LRRFIP1: variants seen among roughly 807,000 people sequenced by gnomAD.
The protein encoded by LRRFIP1 is LRR binding FLII interacting protein 1, also known as leucine-rich repeat flightless-interacting protein 1.
In LRRFIP1, 62 loss-of-function variants were observed where a neutral mutation model predicts 104.4. The observed-to-expected ratio is 0.59, with a 90% CI of 0.48 to 0.73. The LOEUF (loss-of-function observed/expected upper bound fraction) is 0.73. Ranked by LOEUF, LRRFIP1 falls within the 30% of genes least tolerant of loss-of-function variation. LRRFIP1 has a pLI of 0.00. For missense variants in LRRFIP1, 796 were observed against 824.5 expected, an observed-to-expected ratio of 0.97 and a Z score of 0.42; for synonymous variants, 300 against 299.0, an observed-to-expected ratio of 1.00 and a Z score of -0.03.
intron 1 of LRRFIP1, among the ~76,000 whole-genome samples, chr2:237,681,675 A>ATTTTTTTTTTTTTTT (rs1359912875): frequency 2.9e-4 from 16 of 54,606 alleles, no homozygotes; most frequent in East Asian, 7.4e-4. Flanking sequence ...CCGCAGTCCT[A>ATTTTTTTTTTTTTTT]TTCTTTTTTT....
At chr2:237,755,054 C>A (rs1040645368) in intron 15 of LRRFIP1, among the ~76,000 whole-genome samples, 3 of 152,224 alleles carry the variant, frequency 2.0e-5, no homozygotes, top group African/African-American at 7.2e-5. Context: ...CAGGCCAGAT[C>A]CCATCTCAGA....
At chr2:237,697,445 A>G (rs1005766058) in intron 1 of LRRFIP1, among the ~76,000 whole-genome samples, 1 of 152,208 alleles carries the variant, frequency 6.6e-6, no homozygotes, top group Non-Finnish European at 1.5e-5. Context: ...CATACACCTG[A>G]GAGCTGCTGT....
intron 15 of LRRFIP1, 115 bp downstream of exon 15, chr2:237,753,594 G>A (rs536961978): frequency 1.1e-4 from 87 of 793,462 alleles, no homozygotes; most frequent in African/African-American, 1.1e-3. Flanking sequence ...CCAAGAGTTC[G>A]AGACCAGCCT....
intron 8 of LRRFIP1, among the ~76,000 whole-genome samples, chr2:237,728,406 G>T (rs1169747832): frequency 6.6e-6 from 1 of 152,130 alleles, no homozygotes; most frequent in Non-Finnish European, 1.5e-5. Flanking sequence ...ATAAAACAAT[G>T]CAGATGCTTG....
chr2:237,752,793 T>C (rs533652165), intron 14 of LRRFIP1, among the ~76,000 whole-genome samples: 2 of 152,356 alleles, frequency 1.3e-5, no homozygotes, highest in South Asian at 4.1e-4. Context: ...GAGTCAAAAA[T>C]CTGAACTCAC....
At chr2:237,776,755 T>C (rs756179949) in intron 23 of LRRFIP1, among the ~76,000 whole-genome samples, 5 of 152,224 alleles carry the variant, frequency 3.3e-5, no homozygotes, top group African/African-American at 4.8e-5. Flanking sequence ...GATTTTTGCA[T>C]CCCTTGGCTT....
At chr2:237,641,541 A>T (rs2083982192) in intron 1 of LRRFIP1, among the ~76,000 whole-genome samples, 1 of 150,730 alleles carries the variant, frequency 6.6e-6, no homozygotes, top group Non-Finnish European at 1.5e-5. Flanking sequence ...TTTAAGACTT[A>T]GTCAATCTTT....
intron 1 of LRRFIP1, among the ~76,000 whole-genome samples, chr2:237,666,795 TTC>T (rs1383437216): frequency 2.0e-4 from 6 of 29,628 alleles, no homozygotes; most frequent in East Asian, 2.7e-3. Context: ...TTCTTTCTCT[TTC>T]TCTTTCTTTC....
intron 8 of LRRFIP1, among the ~76,000 whole-genome samples, chr2:237,730,949 T>C (rs114478861): frequency 0.026 from 3,830 of 146,664 alleles, 71 homozygotes; most frequent in South Asian, 0.082. Flanking sequence ...AACAAACAAA[T>C]AGAACAAATG....
chr2:237,741,723 G>A (rs905853213), intron 11 of LRRFIP1, among the ~76,000 whole-genome samples: 2 of 152,094 alleles, frequency 1.3e-5, no homozygotes, highest in African/African-American at 2.4e-5. Flanking sequence ...AGCTACTTGG[G>A]AGGCTGAGGC....
At chr2:237,761,968 C>G (rs757015323) in intron 19 of LRRFIP1, among the ~76,000 whole-genome samples, 1 of 152,052 alleles carries the variant, frequency 6.6e-6, no homozygotes, top group Non-Finnish European at 1.5e-5. Flanking sequence ...CTCCCTAGTC[C>G]CTTAGGGAAT....
chr2:237,707,900 G>A (rs2093893039), intron 1 of LRRFIP1, among the ~76,000 whole-genome samples: 1 of 152,204 alleles, frequency 6.6e-6, no homozygotes, highest in Admixed American at 6.5e-5. Flanking sequence ...CATTGTGTTG[G>A]GAAAAGGTGG....
At chr2:237,678,190 C>T (rs2091385650) in intron 1 of LRRFIP1, among the ~76,000 whole-genome samples, 1 of 152,120 alleles carries the variant, frequency 6.6e-6, no homozygotes, top group African/African-American at 2.4e-5. Context: ...AGGAAATCAC[C>T]GGGTGCCTTA....
rs1233666551 is a variant in LRRFIP1, at chr2:237,717,556, C to G, written c.202-206C>G. Among the ~76,000 whole-genome samples the G allele has an allele frequency of 6.6e-6, 1 of 152,240 alleles. No homozygotes were observed. Among genetic ancestry groups the G allele is most frequent in the Non-Finnish European group, 1.5e-5 (1 of 68,050 alleles). On this transcript the variant is annotated intron_variant, in intron 3 of 23. Coordinates refer to ENST00000308482, the MANE Select transcript of LRRFIP1 (RefSeq NM_001137550.2). The surrounding 1 kb of genome is among the most constrained non-coding windows in gnomAD (Gnocchi z 4.2). Reference sequence around the variant, plus strand: ...GATGGGGTGGGCTGGGAGGATCTCTCTTCACAGCTCACAGCCTGCATGACT... The same window carrying G: ...GATGGGGTGGGCTGGGAGGATCTCTGTTCACAGCTCACAGCCTGCATGACT...
Position 237,779,880 on chromosome 2 carries a change from GTT to G in LRRFIP1, c.*361_*362del, listed in dbSNP as rs59469398. 2.4e-4 allele frequency: 37 copies of G among 154,546 alleles called. No individual in the cohort carries two copies. Among genetic ancestry groups the G allele is most frequent in the Middle Eastern group, 3.2e-3 (1 of 310 alleles). 9.6% of individuals were successfully genotyped at this position (154,546 alleles called of 1,614,324 possible). ...AAGTAAAGATTCAGTTGGGACTTGA[GTT>G]TTTTTTTTTTTTCATGTGTCTTGCT... On this transcript the variant is annotated 3_prime_UTR_variant, in exon 24 of 24. Transcript: ENST00000308482.
At chr2:237,692,170 G>A (rs2092831597) in intron 1 of LRRFIP1, 28 of 1,019,684 alleles carry the variant, frequency 2.7e-5, no homozygotes, top group Non-Finnish European at 3.3e-5. Flanking sequence ...CGGGCCGTGG[G>A]ACGGGCGGAG....
chr2:237,663,219 A>T (rs2088406065), intron 1 of LRRFIP1, among the ~76,000 whole-genome samples: 2 of 152,232 alleles, frequency 1.3e-5, no homozygotes, highest in African/African-American at 4.8e-5. Context: ...TTTTTAGTTT[A>T]AAAGAAATGA....
rs530140754 is a variant in LRRFIP1, at chr2:237,661,220, C to T, written c.96+33480C>T. Among the ~76,000 whole-genome samples the T allele has an allele frequency of 3.9e-4, 59 of 152,216 alleles. No homozygotes were observed. The highest frequency in any genetic ancestry group is 6.6e-4 in the Non-Finnish European group (45 of 68,032). On this transcript the variant is annotated intron_variant, in intron 1 of 23. Coordinates refer to ENST00000308482, the MANE Select transcript of LRRFIP1 (RefSeq NM_001137550.2). This position sits in a 1 kb window ranked among gnomAD's most constrained non-coding sequence, Gnocchi z 4.4. ...GGCAGAAGCCCCTGAAGTGATTGAGCTGTTTCCTGGGCCCTCTGATGATTC... is the reference window on the plus strand; with the variant it reads ...GGCAGAAGCCCCTGAAGTGATTGAGTTGTTTCCTGGGCCCTCTGATGATTC...
intron 22 of LRRFIP1, 117 bp downstream of exon 22, chr2:237,773,062 C>G: frequency 1.4e-6 from 1 of 738,900 alleles, no homozygotes; most frequent in Non-Finnish European, 2.3e-6. Context: ...AAGAAATGTC[C>G]TAAGAGGGAT....
Sources: allele counts gnomAD v4.1 joint callset (sites outside exome capture counted in the v4.1 genomes callset), GRCh38; gene constraint gnomAD v4.1.1; non-coding constraint Gnocchi (gnomAD v3.1); transcripts MANE v1.5; gene names NCBI Gene and HGNC (gene_info 2026-07-23, HGNC 2026-07-21).